TENM4: variants seen among roughly 807,000 people sequenced by gnomAD.
The protein encoded by TENM4 is teneurin transmembrane protein 4.
TENM4 carries 82 observed loss-of-function variants against 243.3 expected under a neutral mutation model. That is an observed-to-expected ratio of 0.34 (90% CI 0.28 to 0.40). The LOEUF (loss-of-function observed/expected upper bound fraction) is 0.40, where lower values mean the gene tolerates loss of function less well. Among genes scored for constraint, TENM4 ranks in the 10% least tolerant of loss-of-function variants. TENM4 has a pLI of 1.00. For synonymous variants in TENM4, 1,412 were observed against 1,456.3 expected, an observed-to-expected ratio of 0.97 and a Z score of 0.69; for missense variants, 3,138 against 3,673.3, an observed-to-expected ratio of 0.85 and a Z score of 3.77.
At position 79,106,264 on chromosome 11, in the gene TENM4, C is replaced by T. The variant is rs114306962; in HGVS notation, c.-65-36255G>A. ...GATGAGGGAAGGAGGGCAGGAATCT[C>T]CCCAGCATAGCTGGGTAATGATGCT... On this transcript the variant is annotated intron_variant, in intron 4 of 33. Transcript: ENST00000278550. 8.1e-3 allele frequency among the ~76,000 whole-genome samples: 1,239 copies of T among 152,346 alleles called. 17 individuals are homozygous for T. The highest frequency in any genetic ancestry group is 0.029 in the African/African-American group (1,201 of 41,584).
intron 6 of TENM4, among the ~76,000 whole-genome samples, chr11:79,047,401 A>T (rs562398784): frequency 6.6e-6 from 1 of 152,298 alleles, no homozygotes; most frequent in South Asian, 2.1e-4. Flanking sequence ...TTTTCATATT[A>T]ATTAGCCAGC....
chr11:79,219,473 ATT>A (rs1443449026), intron 2 of TENM4, among the ~76,000 whole-genome samples: 1 of 152,182 alleles, frequency 6.6e-6, no homozygotes, highest in Non-Finnish European at 1.5e-5. Context: ...GGAGCTCCTA[ATT>A]GTGTGCCAGG....
chr11:79,163,778 T>TAC (rs1156729683), intron 3 of TENM4, among the ~76,000 whole-genome samples: 1 of 97,882 alleles, frequency 1.0e-5, no homozygotes, highest in African/African-American at 4.3e-5. Flanking sequence ...TACACACACA[T>TAC]ACATATATAT....
chr11:78,995,105 T>C (rs1858139718), intron 6 of TENM4, among the ~76,000 whole-genome samples: 1 of 152,292 alleles, frequency 6.6e-6, no homozygotes, highest in Admixed American at 6.5e-5. Context: ...CTCTATGATA[T>C]ATGCACTATA....
intron 1 of TENM4, among the ~76,000 whole-genome samples, chr11:79,399,628 T>G (rs1283273690): frequency 6.6e-6 from 1 of 152,176 alleles, no homozygotes; most frequent in Non-Finnish European, 1.5e-5. Flanking sequence ...TACATTTGTT[T>G]ATTAATTTGA....
chr11:79,302,193 A>G (rs561196744), intron 1 of TENM4, among the ~76,000 whole-genome samples: 7 of 152,360 alleles, frequency 4.6e-5, no homozygotes, highest in Admixed American at 4.6e-4. Context: ...CTAGGTTTTC[A>G]TAAGAAATTA....
intron 6 of TENM4, among the ~76,000 whole-genome samples, chr11:78,914,368 C>A (rs575076439): frequency 1.3e-5 from 2 of 152,130 alleles, no homozygotes; most frequent in Non-Finnish European, 2.9e-5. Flanking sequence ...AGGAGTAAAT[C>A]TACTCCATGG....
chr11:79,113,889 T>C (rs948551437), intron 4 of TENM4, among the ~76,000 whole-genome samples: 57 of 152,314 alleles, frequency 3.7e-4, no homozygotes, highest in African/African-American at 1.3e-3. Flanking sequence ...TCAATGCTTG[T>C]TGTTGCCTGC....
intron 6 of TENM4, among the ~76,000 whole-genome samples, chr11:78,960,837 C>T (rs1240402861): frequency 6.6e-6 from 1 of 152,198 alleles, no homozygotes; most frequent in African/African-American, 2.4e-5. Flanking sequence ...AAGTGCCAAG[C>T]AGTGTGCTGG....
intron 1 of TENM4, among the ~76,000 whole-genome samples, chr11:79,309,143 C>A (rs1211950118): frequency 6.6e-6 from 1 of 152,222 alleles, no homozygotes; most frequent in Non-Finnish European, 1.5e-5. Context: ...GTTAACAAAT[C>A]TGACTTTCTA....
chr11:79,149,700 G>A (rs1053346499), intron 3 of TENM4, among the ~76,000 whole-genome samples: 6 of 152,098 alleles, frequency 3.9e-5, no homozygotes, highest in African/African-American at 1.4e-4. Context: ...TGTTTTATAT[G>A]TGCTTAGAAA....
chr11:78,759,177 T>G (rs1365052112), intron 18 of TENM4, among the ~76,000 whole-genome samples: 5 of 152,162 alleles, frequency 3.3e-5, no homozygotes, highest in African/African-American at 1.2e-4. Context: ...GCATCCTAAC[T>G]TGTGGCTCCT....
At position 79,080,472 on chromosome 11, in the gene TENM4, G is replaced by A. The variant is rs542187966; in HGVS notation, c.-65-10463C>T. 6.1e-4 allele frequency among the ~76,000 whole-genome samples: 93 copies of A among 152,342 alleles called. 1 individual carries two copies. The highest frequency in any genetic ancestry group is 2.1e-3 in the African/African-American group (89 of 41,582). Reference sequence around the variant, plus strand: ...ATCCCTGGGCCGGGTCTGAAAAGCCGAGCAGGGGTTAACAGGGCAGGGAGA... The same window carrying A: ...ATCCCTGGGCCGGGTCTGAAAAGCCAAGCAGGGGTTAACAGGGCAGGGAGA... On this transcript the variant is annotated intron_variant, in intron 4 of 33. Coordinates refer to ENST00000278550, the MANE Select transcript of TENM4 (RefSeq NM_001098816.3).
intron 2 of TENM4, among the ~76,000 whole-genome samples, chr11:79,226,617 T>C (rs1224541239): frequency 6.6e-6 from 1 of 152,176 alleles, no homozygotes; most frequent in African/African-American, 2.4e-5. Flanking sequence ...AGAATCATTA[T>C]ACCTTGATGA....
chr11:79,065,080 G>T, intron 5 of TENM4, 73 bp from the exon 6 acceptor site: 1 of 1,426,262 alleles, frequency 7.0e-7, no homozygotes, highest in Non-Finnish European at 9.2e-7. Flanking sequence ...CTGAAGCCTG[G>T]CCTTCTTACC....
intron 1 of TENM4, among the ~76,000 whole-genome samples, chr11:79,307,514 C>T (rs969032902): frequency 3.3e-5 from 5 of 152,146 alleles, no homozygotes; most frequent in Admixed American, 3.3e-4. Context: ...TCTGTTTCTA[C>T]TACCCTATTC....
intron 6 of TENM4, among the ~76,000 whole-genome samples, chr11:78,981,200 G>A (rs1255427908): frequency 5.9e-5 from 9 of 152,140 alleles, no homozygotes; most frequent in African/African-American, 9.7e-5. Flanking sequence ...CCACAAGCAG[G>A]ATGGATGACT....
At chr11:79,204,653 G>A (rs1014246854) in intron 3 of TENM4, among the ~76,000 whole-genome samples, 1 of 152,166 alleles carries the variant, frequency 6.6e-6, no homozygotes, top group Non-Finnish European at 1.5e-5. Context: ...AGAATAAATA[G>A]GTATAGTTTG....
At chr11:79,402,835 C>G (rs1251135496) in intron 1 of TENM4, among the ~76,000 whole-genome samples, 4 of 152,198 alleles carry the variant, frequency 2.6e-5, no homozygotes, top group Non-Finnish European at 5.9e-5. Context: ...AATTTGGTGT[C>G]TTTCTTTGGT....
Sources: gnomAD v4.1 joint callset for allele counts (sites outside exome capture counted in the v4.1 genomes callset) on GRCh38, gnomAD v4.1.1 for gene constraint, MANE v1.5 for transcripts, NCBI Gene and HGNC (gene_info 2026-07-23, HGNC 2026-07-21) for gene names.